DLG2: variants seen among roughly 807,000 people sequenced by gnomAD.
DLG2 encodes the protein disks large homolog 2.
A neutral mutation model predicts 132.5 loss-of-function variants in DLG2; 45 were observed. The observed-to-expected ratio is 0.34, with a 90% CI of 0.27 to 0.44. The LOEUF (loss-of-function observed/expected upper bound fraction) is 0.44. Ranked by LOEUF, DLG2 falls within the 20% of genes least tolerant of loss-of-function variation. The pLI, the probability that DLG2 is intolerant of heterozygous loss-of-function variation, is 1.00. For missense variants in DLG2, 1,045 were observed against 1,196.9 expected (o/e 0.87, Z 1.87); for synonymous variants, 424 against 419.6 (o/e 1.01, Z -0.13).
At chr11:85,620,013 C>T (rs752535353) in intron 2 of DLG2, among the ~76,000 whole-genome samples, 6 of 152,196 alleles carry the variant, frequency 3.9e-5, no homozygotes, top group African/African-American at 7.2e-5. Context: ...GCAGACAACA[C>T]GTTTTTCACA....
intron 10 of DLG2, among the ~76,000 whole-genome samples, chr11:84,071,443 T>C (rs2096755509): frequency 6.6e-6 from 1 of 152,082 alleles, no homozygotes; most frequent in Non-Finnish European, 1.5e-5. Flanking sequence ...TCTTGCTCTG[T>C]GGCCCAGGTT....
chr11:85,233,517 C>T (rs1325270797), intron 4 of DLG2, among the ~76,000 whole-genome samples: 1 of 151,832 alleles, frequency 6.6e-6, no homozygotes, highest in African/African-American at 2.4e-5. Flanking sequence ...TACCCACTCA[C>T]TTGTGGGGAT....
chr11:84,014,630 T>C (rs2095071048), intron 11 of DLG2, among the ~76,000 whole-genome samples: 1 of 152,154 alleles, frequency 6.6e-6, no homozygotes, highest in Non-Finnish European at 1.5e-5. Flanking sequence ...GGGCCAACTA[T>C]TACTACAACT....
At chr11:84,053,806 T>C (rs989488268) in intron 11 of DLG2, among the ~76,000 whole-genome samples, 29 of 152,032 alleles carry the variant, frequency 1.9e-4, no homozygotes, top group African/African-American at 6.5e-4. Context: ...TTCATTGGTA[T>C]AGTAACTTCT....
chr11:85,489,572 A>T lies in DLG2; in HGVS notation c.40+109085T>A, dbSNP rs192126351. ...TACACAAAAGGGACCAAACCAGAACATTTTACTCAACAACTTCAGAATACA... is the reference window on the plus strand; with the variant it reads ...TACACAAAAGGGACCAAACCAGAACTTTTTACTCAACAACTTCAGAATACA... On this transcript the variant is annotated intron_variant, in intron 3 of 27. Coordinates refer to ENST00000376104, the MANE Select transcript of DLG2 (RefSeq NM_001142699.3). 8.4e-4 allele frequency among the ~76,000 whole-genome samples: 128 copies of T among 152,288 alleles called. 2 individuals carry two copies. In the Middle Eastern group the frequency reaches 0.014, roughly 16 times the overall value.
At chr11:84,325,390 T>A (rs944073097) in intron 7 of DLG2, among the ~76,000 whole-genome samples, 1 of 152,012 alleles carries the variant, frequency 6.6e-6, no homozygotes, top group African/African-American at 2.4e-5. Flanking sequence ...GGCCCTGGTA[T>A]GTGATGTTCC....
intron 6 of DLG2, among the ~76,000 whole-genome samples, chr11:85,095,821 T>C (rs755818809): frequency 9.9e-5 from 15 of 152,200 alleles, no homozygotes; most frequent in Non-Finnish European, 2.1e-4. Context: ...ACAGCACTCA[T>C]ATAAAATTCA....
At chr11:84,121,843 G>A (rs2093938076) in intron 9 of DLG2, among the ~76,000 whole-genome samples, 2 of 151,632 alleles carry the variant, frequency 1.3e-5, no homozygotes, top group Middle Eastern at 6.8e-3. Flanking sequence ...TTACAGGCTT[G>A]AGCCACCGCG....
chr11:84,154,020 CAG>C (rs1002305561), intron 9 of DLG2, among the ~76,000 whole-genome samples: 34 of 152,108 alleles, frequency 2.2e-4, no homozygotes, highest in African/African-American at 8.2e-4. Flanking sequence ...TTTTTTGAGA[CAG>C]AGTCTTGCTC....
intron 15 of DLG2, among the ~76,000 whole-genome samples, chr11:83,901,608 G>C (rs1435111786): frequency 6.6e-6 from 1 of 152,198 alleles, no homozygotes; most frequent in African/African-American, 2.4e-5. Flanking sequence ...GGTTTTCCCA[G>C]CCATGTGGAA....
intron 3 of DLG2, among the ~76,000 whole-genome samples, chr11:85,544,525 G>A (rs185133428): frequency 6.6e-6 from 1 of 152,102 alleles, no homozygotes; most frequent in South Asian, 2.1e-4. Flanking sequence ...CCAATTCTGG[G>A]AAAAAAGTCA....
chr11:84,679,910 T>C (rs2099724455), intron 6 of DLG2, among the ~76,000 whole-genome samples: 1 of 152,088 alleles, frequency 6.6e-6, no homozygotes, highest in African/African-American at 2.4e-5. Context: ...TCAGAGAGTA[T>C]ATACAGATGA....
intron 6 of DLG2, among the ~76,000 whole-genome samples, chr11:85,010,808 C>T (rs953669998): frequency 1.3e-5 from 2 of 152,066 alleles, no homozygotes; most frequent in Non-Finnish European, 2.9e-5. Context: ...ATGCTAATTG[C>T]TTTTGGTTTC....
chr11:84,362,800 A>G (rs916596147), intron 7 of DLG2, among the ~76,000 whole-genome samples: 3 of 152,086 alleles, frequency 2.0e-5, no homozygotes, highest in East Asian at 1.9e-4. Flanking sequence ...GAGAATGATG[A>G]TTTCCAATTT....
At chr11:84,538,198 G>C (rs1052759860) in intron 6 of DLG2, among the ~76,000 whole-genome samples, 1 of 152,092 alleles carries the variant, frequency 6.6e-6, no homozygotes, top group South Asian at 2.1e-4. Flanking sequence ...TTTGAAACAG[G>C]GTCTGGAATA....
intron 4 of DLG2, among the ~76,000 whole-genome samples, chr11:85,166,410 G>A (rs1595002109): frequency 6.6e-6 from 1 of 152,014 alleles, no homozygotes; most frequent in East Asian, 1.9e-4. Flanking sequence ...CTATCTAAAT[G>A]CAATCATTTT....
chr11:83,492,548 A>C (rs1293816110), intron 21 of DLG2, among the ~76,000 whole-genome samples: 1 of 151,998 alleles, frequency 6.6e-6, no homozygotes, highest in Admixed American at 6.6e-5. Flanking sequence ...ATAGTCTTCA[A>C]ACCAAACACG....
intron 3 of DLG2, among the ~76,000 whole-genome samples, chr11:85,492,505 T>C (rs1181356516): frequency 2.0e-5 from 3 of 152,200 alleles, no homozygotes; most frequent in African/African-American, 4.8e-5. Context: ...ACCCCACTCA[T>C]CTGTATTTCT....
intron 6 of DLG2, among the ~76,000 whole-genome samples, chr11:84,535,272 C>A (rs1254411725): frequency 6.6e-6 from 1 of 152,192 alleles, no homozygotes; most frequent in Non-Finnish European, 1.5e-5. Context: ...ACAAGCTTAT[C>A]TTTCTTTACT....
Sources: allele counts gnomAD v4.1 joint callset (sites outside exome capture counted in the v4.1 genomes callset), GRCh38; gene constraint gnomAD v4.1.1; transcripts MANE v1.5; gene names NCBI Gene and HGNC (gene_info 2026-07-23, HGNC 2026-07-21).